ADH1A: variants seen among roughly 807,000 people sequenced by gnomAD.
ADH1A encodes alcohol dehydrogenase 1A (class I), alpha polypeptide.
Under a neutral mutation model 35.2 loss-of-function variants are expected in ADH1A, and 29 were observed. The ratio of observed to expected loss-of-function variants is 0.82; its 90% confidence interval spans 0.61 to 1.12. The LOEUF is 1.12. Ranked by LOEUF, ADH1A falls within the 50% of genes most tolerant of loss-of-function variation. The pLI, the probability that ADH1A is intolerant of heterozygous loss-of-function variation, is 0.00. For missense variants in ADH1A, 469 were observed against 464.7 expected (o/e 1.01, Z -0.09); for synonymous variants, 147 against 164.8 (o/e 0.89, Z 0.83).
chr4:99,280,276 C>T lies in ADH1A; in HGVS notation c.832G>A (p.Ala278Thr). 1 of 1,613,196 alleles carries T rather than the reference C, an allele frequency of 6.2e-7. No individual in the cohort carries two copies. Among genetic ancestry groups the T allele is most frequent in the Non-Finnish European group, 8.5e-7 (1 of 1,179,786 alleles). The change falls in exon 7 of 9, where the codon GCT (alanine) becomes ACT (threonine). Residue 278 changes from alanine to threonine, a missense_variant. By Grantham distance (58) the Ala-to-Thr change is moderately conservative. Coordinates refer to ENST00000209668, the MANE Select transcript of ADH1A (RefSeq NM_000667.4). ...EVIGRLDTMM[A>T]SLLCCHEACG... ...GCCTCATGACAACATAACAGGGAAG[C>T]CATCTGGAATAAAGTGAACACTTAG...
chr4:99,281,607 A>C (rs1733003771), intron 6 of ADH1A, among the ~76,000 whole-genome samples: 1 of 152,158 alleles, frequency 6.6e-6, no homozygotes, highest in South Asian at 2.1e-4. Context: ...CCCTGTCTCA[A>C]ATAAAAAGAA....
Position 99,280,298 on chromosome 4 carries a change from T to A in ADH1A, c.829-19A>T. 2 of 1,612,438 alleles carry A rather than the reference T, an allele frequency of 1.2e-6. No homozygotes were observed. Among genetic ancestry groups the A allele is most frequent in the Non-Finnish European group, 1.7e-6 (2 of 1,179,708 alleles). On this transcript the variant is annotated intron_variant, in intron 6 of 8. Coordinates refer to ENST00000209668, the MANE Select transcript of ADH1A (RefSeq NM_000667.4). Reference sequence around the variant, plus strand: ...AAGCCATCTGGAATAAAGTGAACACTTAGCATTCTTAACATGGAGTCGCAT... The same window carrying A: ...AAGCCATCTGGAATAAAGTGAACACATAGCATTCTTAACATGGAGTCGCAT...
At position 99,276,437 on chromosome 4, in the gene ADH1A, T is replaced by C; in HGVS notation, c.*187A>G. ...GTTCAACACTTTATTTAGTTCTCAT[T>C]TGGATTTTAAACATTTGCTTGAAAA... On this transcript the variant is annotated 3_prime_UTR_variant, in exon 9 of 9. Transcript: ENST00000209668. 1.6e-6 allele frequency: 1 copy of C among 641,448 alleles called. No homozygotes were observed. Among genetic ancestry groups the C allele is most frequent in the Non-Finnish European group, 2.7e-6 (1 of 364,058 alleles). The allele number at this position is 641,448 out of a possible 1,614,324, so 39.7% of individuals were successfully genotyped here. A position where few individuals can be genotyped will look rare whatever the true frequency, so the allele number is the denominator to read the frequency against.
At chr4:99,283,480 T>C (rs1368796147) in intron 5 of ADH1A, among the ~76,000 whole-genome samples, 1 of 152,170 alleles carries the variant, frequency 6.6e-6, no homozygotes, top group African/African-American at 2.4e-5. Flanking sequence ...GTCTATTCAT[T>C]CATTCATTCA....
rs1733270308 is a variant in ADH1A, at chr4:99,290,795, C to G, written c.18+102G>C. On this transcript the variant is annotated intron_variant, in intron 1 of 8. Coordinates refer to ENST00000209668, the MANE Select transcript of ADH1A (RefSeq NM_000667.4). Reference sequence around the variant, plus strand: ...CATATCATATTTCAGTGTATCATTTCTAATTTAGATATGAATTTTAAATGA... The same window carrying G: ...CATATCATATTTCAGTGTATCATTTGTAATTTAGATATGAATTTTAAATGA... 3.2e-6 allele frequency: 4 copies of G among 1,233,376 alleles called. No individual in the cohort carries two copies. In the East Asian group the frequency reaches 9.5e-5, roughly 29 times the overall value. 76.4% of individuals were successfully genotyped at this position (1,233,376 alleles called of 1,614,324 possible). A position where few individuals can be genotyped will look rare whatever the true frequency, so the allele number is the denominator to read the frequency against.
At chr4:99,289,499 T>C (rs1237079131) in intron 1 of ADH1A, among the ~76,000 whole-genome samples, 1 of 152,176 alleles carries the variant, frequency 6.6e-6, no homozygotes, top group African/African-American at 2.4e-5. Flanking sequence ...ATAGCAACAA[T>C]AATAATAGTG....
intron 3 of ADH1A, among the ~76,000 whole-genome samples, chr4:99,286,212 C>T (rs940893213): frequency 6.6e-6 from 1 of 151,916 alleles, no homozygotes; most frequent in Non-Finnish European, 1.5e-5. Context: ...AATCCGTAAC[C>T]AGTTACATTT....
At chr4:99,285,500 G>A (rs757692833) in intron 3 of ADH1A, among the ~76,000 whole-genome samples, 11 of 152,104 alleles carry the variant, frequency 7.2e-5, no homozygotes, top group Non-Finnish European at 1.2e-4. Context: ...ACAGTGGAGG[G>A]AGCATGGGTA....
chr4:99,276,784 C>A, intron 8 of ADH1A, 136 bp from the exon 9 acceptor site: 1 of 768,828 alleles, frequency 1.3e-6, no homozygotes, highest in South Asian at 1.7e-5. Flanking sequence ...GCATTCGGGT[C>A]AAGTGAAGTC....
At chr4:99,290,871 C>A (rs200381512) in intron 1 of ADH1A, 26 bp downstream of exon 1, 11 of 1,606,924 alleles carry the variant, frequency 6.8e-6, no homozygotes, top group Non-Finnish European at 8.5e-7. Flanking sequence ...GAATATAGTT[C>A]CAACAGTAAT....
At chr4:99,287,125 A>G in intron 2 of ADH1A, 137 bp from the exon 3 acceptor site, 5 of 1,112,156 alleles carry the variant, frequency 4.5e-6, no homozygotes, top group Non-Finnish European at 6.3e-6. Context: ...AGTATGAAAG[A>G]TTCAGTTTAT....
chr4:99,280,387 G>A lies in ADH1A; in HGVS notation c.829-108C>T, dbSNP rs576429117. ...TAACTGGATTGTGAGTGTGTAGAGGGAAGAGATTATGTCTTTTGCTCCTTC... is the reference window on the plus strand; with the variant it reads ...TAACTGGATTGTGAGTGTGTAGAGGAAAGAGATTATGTCTTTTGCTCCTTC... On this transcript the variant is annotated intron_variant, in intron 6 of 8. Transcript: ENST00000209668. 486 of 1,548,870 alleles carry A rather than the reference G, an allele frequency of 3.1e-4. 1 individual carries two copies. The African/African-American group carries it at 5.6e-3, about 18-fold the overall frequency.
chr4:99,286,926 T>G lies in ADH1A; in HGVS notation c.183A>C (p.Pro61=), dbSNP rs749528685. The G allele has an allele frequency of 2.5e-6, 4 of 1,614,148 alleles. No homozygotes were observed. The East Asian group carries it at 6.7e-5, about 27-fold the overall frequency. The change falls in exon 3 of 9, where the codon CCA becomes CCC. Residue 61 remains proline (P), a synonymous_variant. Coordinates refer to ENST00000209668, the MANE Select transcript of ADH1A (RefSeq NM_000667.4). The part of the protein sequence containing the change: ...DHVVSGTMVT[P]LPVILGHEAA... ...CCTCATGGCCTAAAATCACAGGAAGTGGGGTCACCATGGTACCACTAACCA... is the reference window on the plus strand; with the variant it reads ...CCTCATGGCCTAAAATCACAGGAAGGGGGGTCACCATGGTACCACTAACCA...
intron 3 of ADH1A, among the ~76,000 whole-genome samples, chr4:99,286,417 T>C (rs1733154586): frequency 6.6e-6 from 1 of 152,188 alleles, no homozygotes; most frequent in Non-Finnish European, 1.5e-5. Flanking sequence ...CGTAGCCATG[T>C]AGCGTCCATT....
chr4:99,279,666 C>A, intron 7 of ADH1A, 102 bp from the exon 8 acceptor site: 2 of 1,396,878 alleles, frequency 1.4e-6, no homozygotes, highest in Non-Finnish European at 9.9e-7. Context: ...GATGCTGCTT[C>A]CAGACTGCAA....
chr4:99,284,855 G>C (rs1005813524), intron 3 of ADH1A, 52 bp from the exon 4 acceptor site: 1 of 1,493,748 alleles, frequency 6.7e-7, no homozygotes, highest in African/African-American at 1.4e-5. Flanking sequence ...GGTATTAATA[G>C]AGCAAAAACA....
Position 99,287,581 on chromosome 4 carries a change from G to C in ADH1A, c.103C>G (p.His35Asp), listed in dbSNP as rs770717993. 4 of 1,612,834 alleles carry C rather than the reference G, an allele frequency of 2.5e-6. No individual in the cohort carries two copies. Among genetic ancestry groups the C allele is most frequent in the Non-Finnish European group, 3.4e-6 (4 of 1,179,240 alleles). Residue 35 changes from histidine (H) to aspartate (D), a missense_variant, in exon 2 of 9, where the codon CAT becomes GAT. Transcript: ENST00000209668. ...EEVEVAPPKA[H>D]EVRIKMVAVG... ...TATTTCACCTTAATACGAACTTCATGGGCCTTAGGAGGTGCAACCTCCACC... is the reference window on the plus strand; with the variant it reads ...TATTTCACCTTAATACGAACTTCATCGGCCTTAGGAGGTGCAACCTCCACC...
In ADH1A at chr4:99,284,598, G is replaced by GTCCC; in HGVS notation, c.364_367dup (p.Thr123ArgfsTer34). On this transcript the variant is annotated frameshift_variant, in exon 5 of 9. Coordinates refer to ENST00000209668, the MANE Select transcript of ADH1A (RefSeq NM_000667.4). LOFTEE classifies it high-confidence loss of function. Reference sequence around the variant, plus strand: ...GAACCTGCTGGTGCCATCCTGCAGGGTCCCCTGAGGATTGCTTACACTGGA... The same window carrying GTCCC: ...GAACCTGCTGGTGCCATCCTGCAGGGTCCCTCCCCTGAGGATTGCTTACACTGGA... The GTCCC allele has an allele frequency of 2.5e-6, 4 of 1,614,210 alleles. No homozygotes were observed. The highest frequency in any genetic ancestry group is 3.4e-6 in the Non-Finnish European group (4 of 1,180,038).
At chr4:99,290,252 T>G (rs1340965105) in intron 1 of ADH1A, among the ~76,000 whole-genome samples, 1 of 152,170 alleles carries the variant, frequency 6.6e-6, no homozygotes, top group Non-Finnish European at 1.5e-5. Context: ...TGTAAAACCA[T>G]ATTGACTTTT....
Sources: allele counts gnomAD v4.1 joint callset (sites outside exome capture counted in the v4.1 genomes callset), GRCh38; gene constraint gnomAD v4.1.1; transcripts MANE v1.5; gene names NCBI Gene and HGNC (gene_info 2026-07-23, HGNC 2026-07-21).